The following NALF1 variants were observed in gnomAD, a reference collection of about 807,000 sequenced individuals.
NALF1 encodes the protein family with sequence similarity 155 member A.
NALF1 carries 3 observed loss-of-function variants against 48.4 expected under a neutral mutation model. That is an observed-to-expected ratio of 0.06 (90% CI 0.03 to 0.16). The LOEUF (loss-of-function observed/expected upper bound fraction) is 0.16. Ranked by LOEUF, NALF1 falls within the 10% of genes least tolerant of loss-of-function variation. The pLI is 1.00. For synonymous variants in NALF1, 262 were observed against 245.7 expected (o/e 1.07, Z -0.62); for missense variants, 526 against 571.5 (o/e 0.92, Z 0.81).
intron 1 of NALF1, among the ~76,000 whole-genome samples, chr13:107,230,637 AAAG>A (rs1391238434): frequency 6.6e-6 from 1 of 151,946 alleles, no homozygotes; most frequent in Non-Finnish European, 1.5e-5. Context: ...TGAGAAATAC[AAAG>A]AAGATGTGCC....
intron 1 of NALF1, among the ~76,000 whole-genome samples, chr13:107,274,259 C>T (rs147715406): frequency 1.3e-3 from 197 of 152,104 alleles, no homozygotes; most frequent in Non-Finnish European, 2.5e-3. Flanking sequence ...ACTGTGGTAA[C>T]GCAACTGTAA....
chr13:107,170,815 C>T, intron 2 of NALF1, 29 bp from the exon 3 acceptor site: 1 of 1,603,972 alleles, frequency 6.2e-7, no homozygotes, highest in Non-Finnish European at 8.5e-7. Context: ...AGAGTGTCAG[C>T]AGGAAGGAAA....
chr13:107,666,333 C>G (rs966168067), intron 1 of NALF1, among the ~76,000 whole-genome samples: 5 of 152,108 alleles, frequency 3.3e-5, no homozygotes, highest in African/African-American at 1.2e-4. Context: ...AACATTGCCA[C>G]CTCTCGGTAG....
At chr13:107,616,090 C>T (rs1041270538) in intron 1 of NALF1, among the ~76,000 whole-genome samples, 1 of 152,086 alleles carries the variant, frequency 6.6e-6, no homozygotes, top group African/African-American at 2.4e-5. Flanking sequence ...AACTTCAAAA[C>T]TATTGCTGAA....
At chr13:107,212,669 G>C (rs368749293) in intron 1 of NALF1, among the ~76,000 whole-genome samples, 1 of 152,220 alleles carries the variant, frequency 6.6e-6, no homozygotes, top group Admixed American at 6.5e-5. Context: ...TGTGTAATAT[G>C]ACATGATACG....
intron 1 of NALF1, among the ~76,000 whole-genome samples, chr13:107,349,735 G>A (rs536144351): frequency 1.7e-3 from 215 of 125,138 alleles, no homozygotes; most frequent in African/African-American, 6.4e-3. Flanking sequence ...GCGAGAATAC[G>A]TCTCAAAAAA....
At chr13:107,368,902 G>T (rs953645077) in intron 1 of NALF1, among the ~76,000 whole-genome samples, 2 of 152,060 alleles carry the variant, frequency 1.3e-5, no homozygotes, top group African/African-American at 4.8e-5. Flanking sequence ...CTCCTACAAT[G>T]CCCATCCCCT....
chr13:107,726,036 G>A (rs1392851206), intron 1 of NALF1, among the ~76,000 whole-genome samples: 1 of 151,984 alleles, frequency 6.6e-6, no homozygotes, highest in Non-Finnish European at 1.5e-5. Flanking sequence ...GGGGTGGATG[G>A]GTGTGCCTGC....
intron 1 of NALF1, among the ~76,000 whole-genome samples, chr13:107,851,184 C>T (rs531537604): frequency 1.4e-4 from 21 of 152,184 alleles, no homozygotes; most frequent in Non-Finnish European, 2.5e-4. Context: ...AATTTTTTAC[C>T]GGACATGGTA....
intron 1 of NALF1, among the ~76,000 whole-genome samples, chr13:107,798,262 T>C (rs1878494825): frequency 6.6e-6 from 1 of 152,230 alleles, no homozygotes; most frequent in African/African-American, 2.4e-5. Context: ...AAAATTACTT[T>C]TCAGAGGGCA....
chr13:107,737,547 T>C (rs987102636), intron 1 of NALF1, among the ~76,000 whole-genome samples: 1 of 152,214 alleles, frequency 6.6e-6, no homozygotes, highest in Non-Finnish European at 1.5e-5. Context: ...ATTTATATTT[T>C]TTACTTTATA....
intron 1 of NALF1, among the ~76,000 whole-genome samples, chr13:107,279,080 A>T: frequency 1.6e-5 from 2 of 121,792 alleles, no homozygotes; most frequent in East Asian, 2.3e-4. Flanking sequence ...TATCTGCAGT[A>T]CCTCAAACTC....
At chr13:107,227,255 T>C in intron 1 of NALF1, among the ~76,000 whole-genome samples, 1 of 152,216 alleles carries the variant, frequency 6.6e-6, no homozygotes, top group East Asian at 1.9e-4. Context: ...AAGGCAGTTT[T>C]TTACCTATGA....
At chr13:107,290,335 G>A (rs1881595537) in intron 1 of NALF1, among the ~76,000 whole-genome samples, 1 of 152,040 alleles carries the variant, frequency 6.6e-6, no homozygotes, top group Admixed American at 6.5e-5. Flanking sequence ...GAAAAAAGAT[G>A]TCGATACGGT....
rs1014498895 is a variant in NALF1, at chr13:107,686,633, C to T, written c.915+179049G>A. ...GGTCTTGATCTCTTGGAAAATAGGT[C>T]ACATTATCAACATTAACAGGTACTT... On this transcript the variant is annotated intron_variant, in intron 1 of 2. Transcript: ENST00000375915. Among the ~76,000 whole-genome samples the T allele has an allele frequency of 5.9e-5, 9 of 152,176 alleles. No homozygotes were observed. In the South Asian group the frequency reaches 1.5e-3, roughly 25 times the overall value.
At chr13:107,188,514 C>T (rs117647607) in intron 2 of NALF1, among the ~76,000 whole-genome samples, 1 of 151,970 alleles carries the variant, frequency 6.6e-6, no homozygotes, top group African/African-American at 2.4e-5. Context: ...TTTATCATAT[C>T]TTTTTAAAGT....
At chr13:107,576,778 A>T (rs1034556171) in intron 1 of NALF1, among the ~76,000 whole-genome samples, 8 of 152,194 alleles carry the variant, frequency 5.3e-5, no homozygotes, top group African/African-American at 1.9e-4. Flanking sequence ...ATGTATTAAA[A>T]ATGACAAGTG....
chr13:107,426,449 T>A (rs1884282886), intron 1 of NALF1, among the ~76,000 whole-genome samples: 1 of 152,180 alleles, frequency 6.6e-6, no homozygotes, highest in Non-Finnish European at 1.5e-5. Context: ...ATTTGAACCT[T>A]CATATGACTG....
rs1879367652 is a variant in NALF1, at chr13:107,195,342, A to G, written c.1087+15242T>C. ...CTCAAACAGACAAAAATTAGTGGCTAGTAATAATGCTAGTTACATTTGTAA... is the reference window on the plus strand; with the variant it reads ...CTCAAACAGACAAAAATTAGTGGCTGGTAATAATGCTAGTTACATTTGTAA... On this transcript the variant is annotated intron_variant, in intron 2 of 2. Transcript: ENST00000375915. Among the ~76,000 whole-genome samples the G allele has an allele frequency of 2.0e-5, 3 of 152,246 alleles. No individual in the cohort carries two copies. In the South Asian group the frequency reaches 6.2e-4, roughly 31 times the overall value.
Sources: allele counts gnomAD v4.1 joint callset (sites outside exome capture counted in the v4.1 genomes callset), GRCh38; gene constraint gnomAD v4.1.1; transcripts MANE v1.5; gene names NCBI Gene and HGNC (gene_info 2026-07-23, HGNC 2026-07-21).